CSNK1G1: variants seen among roughly 807,000 people sequenced by gnomAD.
CSNK1G1 encodes the protein casein kinase 1 gamma 1, also known as casein kinase I isoform gamma-1.
CSNK1G1 carries 22 observed loss-of-function variants against 59.6 expected under a neutral mutation model. The observed-to-expected ratio is 0.37, with a 90% CI of 0.26 to 0.53. The LOEUF (loss-of-function observed/expected upper bound fraction) is 0.53. Ranked by LOEUF, CSNK1G1 falls within the 20% of genes least tolerant of loss-of-function variation. The pLI, the probability that CSNK1G1 is intolerant of heterozygous loss-of-function variation, is 0.89. For synonymous variants in CSNK1G1, 179 were observed against 177.1 expected (o/e 1.01, Z -0.08); for missense variants, 384 against 519.5 (o/e 0.74, Z 2.54).
intron 4 of CSNK1G1, among the ~76,000 whole-genome samples, chr15:64,240,672 C>T (rs2082682087): frequency 1.3e-5 from 2 of 151,896 alleles, no homozygotes; most frequent in African/African-American, 2.4e-5. Flanking sequence ...GCCAAAAATA[C>T]TACATATAGC....
At position 64,165,832 on chromosome 15, in the gene CSNK1G1, T is replaced by G. The variant is rs1357292726; in HGVS notation, c.*6099A>C. The G allele has an allele frequency of 2.4e-6, 1 of 422,578 alleles. No homozygotes were observed. The highest frequency in any genetic ancestry group is 2.0e-5 in the African/African-American group (1 of 48,852). 26.2% of individuals were successfully genotyped at this position (422,578 alleles called of 1,614,324 possible). A position where few individuals can be genotyped will look rare whatever the true frequency, so the allele number is the denominator to read the frequency against. Reference sequence around the variant, plus strand: ...GGAAGAGGTATACTTAAAGATCACATTTGTGTTTTCCATGGTGCCCTAGGA... The same window carrying G: ...GGAAGAGGTATACTTAAAGATCACAGTTGTGTTTTCCATGGTGCCCTAGGA... On this transcript the variant is annotated 3_prime_UTR_variant, in exon 12 of 12. Coordinates refer to ENST00000303052, the MANE Select transcript of CSNK1G1 (RefSeq NM_022048.5).
At chr15:64,325,613 T>C (rs994518781) in intron 1 of CSNK1G1, among the ~76,000 whole-genome samples, 1 of 152,202 alleles carries the variant, frequency 6.6e-6, no homozygotes, top group Non-Finnish European at 1.5e-5. Context: ...TCCATAATTA[T>C]AACTACCTTT....
At chr15:64,333,581 C>G (rs12101659) in intron 1 of CSNK1G1, among the ~76,000 whole-genome samples, 6,203 of 152,024 alleles carry the variant, frequency 0.041, 386 homozygotes, top group African/African-American at 0.14. Flanking sequence ...AGCAGTACCT[C>G]ACATCTCAGT....
At chr15:64,205,000 G>C (rs2082158372) in intron 7 of CSNK1G1, 51 bp from the exon 8 acceptor site, 5 of 1,027,784 alleles carry the variant, frequency 4.9e-6, no homozygotes, top group Middle Eastern at 2.0e-4. Flanking sequence ...CTAAACATGG[G>C]AGATTCAATA....
chr15:64,286,836 T>C (rs867016647), intron 2 of CSNK1G1, among the ~76,000 whole-genome samples: 1 of 152,294 alleles, frequency 6.6e-6, no homozygotes, highest in Middle Eastern at 3.4e-3. Context: ...CAATAATTAA[T>C]TTACCAATGT....
At chr15:64,177,652 A>G (rs2081757208) in intron 11 of CSNK1G1, among the ~76,000 whole-genome samples, 1 of 152,204 alleles carries the variant, frequency 6.6e-6, no homozygotes, top group South Asian at 2.1e-4. Flanking sequence ...CTTACATTCT[A>G]GAGGTTAGAT....
At chr15:64,233,910 C>T (rs1388992298) in intron 4 of CSNK1G1, among the ~76,000 whole-genome samples, 1 of 152,178 alleles carries the variant, frequency 6.6e-6, no homozygotes, top group African/African-American at 2.4e-5. Flanking sequence ...ATTTGCCACA[C>T]ACTGGACTTA....
intron 1 of CSNK1G1, among the ~76,000 whole-genome samples, chr15:64,332,466 T>C (rs1189339239): frequency 2.1e-4 from 25 of 121,832 alleles, no homozygotes; most frequent in Admixed American, 1.0e-3. Context: ...TAGGTGGGAA[T>C]TGAACAATGA....
intron 2 of CSNK1G1, among the ~76,000 whole-genome samples, chr15:64,261,287 G>A (rs201984068): frequency 1.3e-5 from 2 of 152,122 alleles, no homozygotes; most frequent in East Asian, 1.9e-4. Context: ...AATGAAATGA[G>A]CATTGTTACT....
intron 11 of CSNK1G1, among the ~76,000 whole-genome samples, chr15:64,174,636 G>C (rs1199369142): frequency 3.3e-5 from 5 of 152,148 alleles, no homozygotes; most frequent in African/African-American, 9.7e-5. Flanking sequence ...CAACATGCTG[G>C]AGTCAAAATC....
At chr15:64,238,553 A>AC (rs1164231237) in intron 4 of CSNK1G1, among the ~76,000 whole-genome samples, 18 of 142,620 alleles carry the variant, frequency 1.3e-4, no homozygotes, top group African/African-American at 4.7e-4. Flanking sequence ...ATGAAAAAAA[A>AC]CCCACATTCC....
intron 1 of CSNK1G1, among the ~76,000 whole-genome samples, chr15:64,302,289 C>T (rs1044810762): frequency 3.3e-5 from 5 of 151,898 alleles, no homozygotes; most frequent in African/African-American, 1.2e-4. Context: ...TTAGTAGAGA[C>T]GGGGTTTCAC....
intron 2 of CSNK1G1, among the ~76,000 whole-genome samples, chr15:64,269,214 G>A (rs1228570896): frequency 6.6e-6 from 1 of 152,138 alleles, no homozygotes; most frequent in African/African-American, 2.4e-5. Flanking sequence ...TATGCCATAG[G>A]TCACTCCTCC....
chr15:64,209,031 C>T (rs2082218501), intron 6 of CSNK1G1, among the ~76,000 whole-genome samples: 1 of 151,984 alleles, frequency 6.6e-6, no homozygotes, highest in South Asian at 2.1e-4. Flanking sequence ...GGACTACAGG[C>T]ATGCACCACC....
chr15:64,198,291 C>T (rs1177798086), intron 10 of CSNK1G1, among the ~76,000 whole-genome samples: 9 of 151,224 alleles, frequency 6.0e-5, no homozygotes, highest in African/African-American at 1.5e-4. Context: ...GCACAACCTC[C>T]GCCTCCCAGG....
At position 64,315,324 on chromosome 15, in the gene CSNK1G1, G is replaced by A. The variant is rs572634021; in HGVS notation, c.-224-14601C>T. Among the ~76,000 whole-genome samples, 181 of 152,296 alleles carry A rather than the reference G, an allele frequency of 1.2e-3. 1 individual carries two copies. Among genetic ancestry groups the A allele is most frequent in the Non-Finnish European group, 1.9e-3 (132 of 68,014 alleles). The stretch of plus-strand genomic sequence containing the variant: ...CTTTTGGTGAAAGAAGACCAGCAAC[G>A]CCGGGGATTACAATGAGCAAAGTAA... On this transcript the variant is annotated intron_variant, in intron 1 of 11. Transcript: ENST00000303052.
Position 64,248,203 on chromosome 15 carries a change from C to T in CSNK1G1, c.292+3309G>A, listed in dbSNP as rs547241202. The stretch of plus-strand genomic sequence containing the variant: ...AGTCATACTTGCAGCTGAGAACTTA[C>T]TCTGAAAAAATAGGGGGAGGAATGC... On this transcript the variant is annotated intron_variant, in intron 4 of 11. Transcript: ENST00000303052. 5.3e-5 allele frequency among the ~76,000 whole-genome samples: 8 copies of T among 152,262 alleles called. No homozygotes were observed. In the East Asian group the frequency reaches 1.5e-3, roughly 29 times the overall value.
chr15:64,213,536 C>T (rs1337083597), intron 6 of CSNK1G1, among the ~76,000 whole-genome samples: 1 of 152,174 alleles, frequency 6.6e-6, no homozygotes, highest in Non-Finnish European at 1.5e-5. Flanking sequence ...CCACCGCTGA[C>T]CCAGCCTGAT....
At chr15:64,286,056 TC>T (rs1282302179) in intron 2 of CSNK1G1, among the ~76,000 whole-genome samples, 1 of 152,220 alleles carries the variant, frequency 6.6e-6, no homozygotes, top group African/African-American at 2.4e-5. Flanking sequence ...CTTTACATTT[TC>T]TTGTGTTTCA....
Sources: allele counts gnomAD v4.1 joint callset (sites outside exome capture counted in the v4.1 genomes callset), GRCh38; gene constraint gnomAD v4.1.1; transcripts MANE v1.5; gene names NCBI Gene and HGNC (gene_info 2026-07-23, HGNC 2026-07-21).